Variants in SPON2 observed in about 807,000 individuals in gnomAD.
The protein encoded by SPON2 is spondin 2.
Under a neutral mutation model 29.9 loss-of-function variants are expected in SPON2, and 32 were observed. The observed-to-expected ratio is 1.07, with a 90% CI of 0.81 to 1.44. The LOEUF (loss-of-function observed/expected upper bound fraction) is 1.44. Among genes scored for constraint, SPON2 ranks in the 40% most tolerant of loss-of-function variants. SPON2 has a pLI of 0.00. For missense variants in SPON2, 541 were observed against 455.5 expected, an observed-to-expected ratio of 1.19 and a Z score of -1.71; for synonymous variants, 248 against 209.1, an observed-to-expected ratio of 1.19 and a Z score of -1.61.
chr4:1,179,121 C>T (rs1023939419), intron 2 of SPON2, among the ~76,000 whole-genome samples: 1 of 152,190 alleles, frequency 6.6e-6, no homozygotes, highest in Non-Finnish European at 1.5e-5. Flanking sequence ...CCACACAGTG[C>T]TCATCCCCCT....
In SPON2 at chr4:1,171,535, C is replaced by A. The variant is rs769001627; in HGVS notation, c.221-49G>T. On this transcript the variant is annotated intron_variant, in intron 2 of 5. Coordinates refer to ENST00000290902, the MANE Select transcript of SPON2 (RefSeq NM_012445.4). ...GCGGACCATGGTCAGACACTGCGGT[C>A]GGGCTTGGATTCCAGGGGGCGCCCC... is the stretch of plus-strand genomic sequence containing the variant. The A allele has an allele frequency of 3.8e-6, 6 of 1,576,810 alleles. No homozygotes were observed. In the South Asian group the frequency reaches 5.6e-5, roughly 15 times the overall value.
upstream of SPON2, among the ~76,000 whole-genome samples, chr4:1,198,605 T>C (rs1728124483): frequency 6.6e-6 from 1 of 151,644 alleles, no homozygotes; most frequent in Admixed American, 6.6e-5. Flanking sequence ...GAACAGCAAA[T>C]AGGAACCAAC....
chr4:1,192,879 G>T (rs1490346930), intron 1 of SPON2, among the ~76,000 whole-genome samples: 1 of 152,218 alleles, frequency 6.6e-6, no homozygotes, highest in Non-Finnish European at 1.5e-5. Context: ...GCCCTCAGAA[G>T]CAAGGCCGAG....
At chr4:1,185,279 T>G (rs1254717798) in intron 1 of SPON2, among the ~76,000 whole-genome samples, 1 of 151,650 alleles carries the variant, frequency 6.6e-6, no homozygotes, top group South Asian at 2.1e-4. Context: ...TTTTGCCACA[T>G]TGGCCAGGCT....
upstream of SPON2, among the ~76,000 whole-genome samples, chr4:1,198,776 A>C (rs189241273): frequency 2.9e-4 from 44 of 152,206 alleles, no homozygotes; most frequent in East Asian, 7.9e-3. Flanking sequence ...AATTCAGAGA[A>C]CCTCACCGAC....
At chr4:1,184,792 C>A (rs1039394201) in intron 1 of SPON2, among the ~76,000 whole-genome samples, 1 of 151,788 alleles carries the variant, frequency 6.6e-6, no homozygotes, top group African/African-American at 2.4e-5. Context: ...AAAAAATTAG[C>A]CGGGTGTCAT....
intron 1 of SPON2, among the ~76,000 whole-genome samples, chr4:1,207,240 G>C (rs111614290): frequency 0.016 from 2,370 of 152,276 alleles, 76 homozygotes; most frequent in African/African-American, 0.054. Flanking sequence ...GTGGAGGCCG[G>C]AGGCCTAGAC....
chr4:1,171,603 G>A (rs1003337420), intron 2 of SPON2, 117 bp from the exon 3 acceptor site: 2 of 1,127,082 alleles, frequency 1.8e-6, no homozygotes, highest in African/African-American at 1.5e-5. Context: ...ATGGCCCCCA[G>A]TCACGTCGGA....
upstream of SPON2, among the ~76,000 whole-genome samples, chr4:1,178,146 C>A (rs1727640381): frequency 6.7e-6 from 1 of 149,422 alleles, no homozygotes; most frequent in African/African-American, 2.5e-5. Flanking sequence ...TCTGCACACA[C>A]CGAGGGCCTC....
intron 2 of SPON2, 39 bp from the exon 3 acceptor site, chr4:1,171,525 A>ACACTG (rs1727449859): frequency 6.3e-7 from 1 of 1,590,910 alleles, no homozygotes; most frequent in Non-Finnish European, 8.6e-7. Flanking sequence ...CCATGGTCAG[A>ACACTG]CACTGCGGTC....
At chr4:1,176,541 ACTAATTCACTCACAC>A (rs1263184830), upstream of SPON2, among the ~76,000 whole-genome samples, 1 of 151,994 alleles carries the variant, frequency 6.6e-6, no homozygotes, top group Non-Finnish European at 1.5e-5. Flanking sequence ...ACATTCATTC[ACTAATTCACTCACAC>A]AGTACATTCA....
intron 5 of SPON2, chr4:1,168,259 G>GC (rs1299111598): frequency 6.6e-6 from 1 of 152,284 alleles, no homozygotes; most frequent in Non-Finnish European, 1.5e-5. Context: ...CACAGGCCAA[G>GC]CCAGCCAGAT....
At chr4:1,173,143 TGCGTGGCCTGACTTCAGTCTACATGCTG>T (rs1245364189), upstream of SPON2, 2 of 152,256 alleles carry the variant, frequency 1.3e-5, no homozygotes, top group Admixed American at 1.3e-4. Flanking sequence ...GAGAGCCCTG[TGCGTGGCCTGACTTCAGTCTACATGCTG>T]GAAGTGGCTG....
Position 1,167,571 on chromosome 4 carries a change from C to T in SPON2, c.897G>A (p.Lys299=), listed in dbSNP as rs774887529. 1.4e-5 allele frequency: 22 copies of T among 1,613,490 alleles called. No homozygotes were observed. In the South Asian group the frequency reaches 1.6e-4, roughly 12 times the overall value. The part of the protein sequence containing the change: ...CGGHCGRLGT[K]SRTRYVRVQP... ...GGACCCGGACGTAGCGAGTCCTGCT[C>T]TTGGTCCCGAGCCTCCCACAGTGGC... The change falls in exon 6 of 6, where the codon AAG becomes AAA. Residue 299 remains lysine (K), a synonymous_variant. Transcript: ENST00000290902.
upstream of SPON2, among the ~76,000 whole-genome samples, chr4:1,196,278 G>A (rs1728068593): frequency 6.6e-6 from 1 of 152,208 alleles, no homozygotes; most frequent in Admixed American, 6.5e-5. Flanking sequence ...CTTCACTCAC[G>A]GCTGTGCATC....
chr4:1,189,306 A>C (rs149332982), intron 1 of SPON2, among the ~76,000 whole-genome samples: 7 of 152,192 alleles, frequency 4.6e-5, no homozygotes, highest in African/African-American at 1.7e-4. Flanking sequence ...AGCAAGCAGA[A>C]GGAAATAATA....
At position 1,167,448 on chromosome 4, in the gene SPON2, C is replaced by A; in HGVS notation, c.*24G>T. ...CCGACACCCCATGGCTCCGGGGGGC[C>A]CCAGGGGCTGCGGGGCTCTGGTCTT... On this transcript the variant is annotated 3_prime_UTR_variant, in exon 6 of 6. Coordinates refer to ENST00000290902, the MANE Select transcript of SPON2 (RefSeq NM_012445.4). 1 of 1,603,456 alleles carries A rather than the reference C, an allele frequency of 6.2e-7. No homozygotes were observed.
Position 1,171,376 on chromosome 4 carries a change from C to A in SPON2, c.331G>T (p.Glu111Ter), listed in dbSNP as rs779361137. Residue 111 changes from glutamate to a stop codon, truncating the protein, a stop_gained, in exon 3 of 6, where the codon GAG becomes TAG. Coordinates refer to ENST00000290902, the MANE Select transcript of SPON2 (RefSeq NM_012445.4). LOFTEE classifies it high-confidence loss of function. ...GEAWALMKEI[E>*]AAGEALQSVH... ...CTCTGCAGCGCCTCCCCCGCCGCCT[C>A]GATCTCCTTCATCAGCGCCCAGGCC... 16 of 1,612,100 alleles carry A rather than the reference C, an allele frequency of 9.9e-6. No homozygotes were observed. In the East Asian group the frequency reaches 3.3e-4, roughly 34 times the overall value.
At chr4:1,185,576 C>T (rs1210918042) in intron 1 of SPON2, among the ~76,000 whole-genome samples, 1 of 151,138 alleles carries the variant, frequency 6.6e-6, no homozygotes, top group Non-Finnish European at 1.5e-5. Flanking sequence ...GGCATGGTAG[C>T]ACATGCCTGT....
Sources: gnomAD v4.1 joint callset for allele counts (sites outside exome capture counted in the v4.1 genomes callset) on GRCh38, gnomAD v4.1.1 for gene constraint, MANE v1.5 for transcripts, NCBI Gene and HGNC (gene_info 2026-07-23, HGNC 2026-07-21) for gene names.